NFKBIZ: variants seen among roughly 807,000 people sequenced by gnomAD.
NFKBIZ encodes the protein NF-kappa-B inhibitor zeta.
In NFKBIZ, 19 loss-of-function variants were observed where a neutral mutation model predicts 76.8. The ratio of observed to expected loss-of-function variants is 0.25; its 90% CI spans 0.17 to 0.36. The LOEUF is 0.36. Ranked by LOEUF, NFKBIZ falls within the 10% of genes least tolerant of loss-of-function variation. The pLI is 1.00. For missense variants in NFKBIZ, 829 were observed against 910.9 expected (o/e 0.91, Z 1.16); for synonymous variants, 368 against 354.8 (o/e 1.04, Z -0.42).
chr3:101,855,518 G>A (rs1221572923), intron 8 of NFKBIZ, 60 bp downstream of exon 8: 1 of 1,483,546 alleles, frequency 6.7e-7, no homozygotes, highest in East Asian at 2.3e-5. Context: ...AAGGTCTAAG[G>A]GTGCTAAGTA....
At chr3:101,843,206 G>A (rs543851816) in intron 2 of NFKBIZ, among the ~76,000 whole-genome samples, 1 of 152,102 alleles carries the variant, frequency 6.6e-6, no homozygotes, top group African/African-American at 2.4e-5. Context: ...AGGCTGAGGT[G>A]GGAGGATCAC....
In NFKBIZ at chr3:101,860,927, G is replaced by C. The variant is rs1366201650; in HGVS notation, c.*1556G>C. 1.3e-5 allele frequency: 2 copies of C among 151,864 alleles called. No individual in the cohort carries two copies. The highest frequency in any genetic ancestry group is 2.9e-5 in the Non-Finnish European group (2 of 67,994). The allele number at this position is 151,864 out of a possible 1,614,324, so 9.4% of individuals were successfully genotyped here. A position where few individuals can be genotyped will look rare whatever the true frequency, so the allele number is the denominator to read the frequency against. ...CCCAGTATGTCTTGTAGACACGTTA[G>C]TTATAATCACCTTGTATCTCTAAAT... On this transcript the variant is annotated 3_prime_UTR_variant, in exon 12 of 12. Coordinates refer to ENST00000326172, the MANE Select transcript of NFKBIZ (RefSeq NM_031419.4).
Position 101,853,210 on chromosome 3 carries a change from C to T in NFKBIZ, c.684C>T (p.Ser228=), listed in dbSNP as rs1307918433. ...TTATCAACATTAAGAATGAATGCAG[C>T]CCCGTTTCCCTGAACACAGTTCAAG... ...QNIINIKNEC[S]PVSLNTVQVS... Residue 228 remains serine (S), a synonymous_variant, in exon 5 of 12, where the codon AGC becomes AGT. Transcript: ENST00000326172. 1 of 1,614,168 alleles carries T rather than the reference C, an allele frequency of 6.2e-7. No homozygotes were observed. Among genetic ancestry groups the T allele is most frequent in the South Asian group, 1.1e-5 (1 of 91,086 alleles).
At chr3:101,857,247 A>G (rs771566039) in intron 10 of NFKBIZ, 45 bp from the exon 11 acceptor site, 31 of 1,612,340 alleles carry the variant, frequency 1.9e-5, no homozygotes, top group Non-Finnish European at 2.5e-5. Context: ...CTTTCATGAA[A>G]TTTCCCCCTT....
At chr3:101,834,569 C>G (rs527912820) in intron 2 of NFKBIZ, among the ~76,000 whole-genome samples, 1 of 152,314 alleles carries the variant, frequency 6.6e-6, no homozygotes, top group Admixed American at 6.5e-5. Flanking sequence ...CTGTGTTGGC[C>G]AGGCTGGCCT....
In NFKBIZ at chr3:101,849,615, C is replaced by A; in HGVS notation, c.-14C>A. ...GCGCAGGTGTCGGGGTCCTCGAGCG[C>A]CCAGCCTGGGAGCATGATTGTGGAC... On this transcript the variant is annotated 5_prime_UTR_variant, in exon 1 of 12. Coordinates refer to ENST00000326172, the MANE Select transcript of NFKBIZ (RefSeq NM_031419.4). 7.5e-7 allele frequency: 1 copy of A among 1,334,718 alleles called. No homozygotes were observed. The highest frequency in any genetic ancestry group is 9.6e-7 in the Non-Finnish European group (1 of 1,046,574). The allele number at this position is 1,334,718 out of a possible 1,614,324, so 82.7% of individuals were successfully genotyped here. A position where few individuals can be genotyped will look rare whatever the true frequency, so the allele number is the denominator to read the frequency against.
At chr3:101,857,725 C>G in intron 11 of NFKBIZ, 7 of 985,366 alleles carry the variant, frequency 7.1e-6, no homozygotes, top group Non-Finnish European at 8.4e-6. Context: ...TAGAGTAAGT[C>G]AGAATGGTTT....
intron 2 of NFKBIZ, among the ~76,000 whole-genome samples, chr3:101,835,662 G>T (rs981975672): frequency 6.6e-6 from 1 of 152,118 alleles, no homozygotes; most frequent in Non-Finnish European, 1.5e-5. Flanking sequence ...ATTAGATGAG[G>T]ACTCACCCCG....
Position 101,858,024 on chromosome 3 carries a change from T to C in NFKBIZ, c.2103+565T>C, listed in dbSNP as rs973791930. 3.0e-5 allele frequency: 25 copies of C among 844,702 alleles called. No individual in the cohort carries two copies. In the African/African-American group the frequency reaches 4.6e-4, roughly 16 times the overall value. The allele number at this position is 844,702 out of a possible 1,614,324, so 52.3% of individuals were successfully genotyped here. On this transcript the variant is annotated intron_variant, in intron 11 of 11. Transcript: ENST00000326172. ...TATTTAATGCTTTACTCATCAAATA[T>C]GGTTATATATTATCATTGAGTATTG...
At chr3:101,843,639 A>G (rs1358144549) in intron 2 of NFKBIZ, among the ~76,000 whole-genome samples, 3 of 152,250 alleles carry the variant, frequency 2.0e-5, no homozygotes, top group African/African-American at 7.2e-5. Context: ...ACCTGAAACC[A>G]TATCAATGAA....
Position 101,849,885 on chromosome 3 carries a change from C to T in NFKBIZ, c.257C>T (p.Ser86Leu). 1.4e-6 allele frequency: 2 copies of T among 1,441,518 alleles called. No individual in the cohort carries two copies. Among genetic ancestry groups the T allele is most frequent in the African/African-American group, 1.5e-5 (1 of 67,110 alleles). The allele number at this position is 1,441,518 out of a possible 1,614,324, so 89.3% of individuals were successfully genotyped here. The change falls in exon 1 of 12, where the codon TCG becomes TTG. Residue 86 changes from serine (S) to leucine (L), a missense_variant. Physicochemically the swap from Ser to Leu is moderately radical, Grantham distance 145 (BLOSUM62 -2). Transcript: ENST00000326172. The part of the protein sequence containing the change: ...VSSCGAVESR[S>L]RGGARAERQP... ...TCCTGCGGCGCCGTGGAGTCCCGGTCGAGAGGCGGCGCCCGCGCCGAGCGC... is the reference window on the plus strand; with the variant it reads ...TCCTGCGGCGCCGTGGAGTCCCGGTTGAGAGGCGGCGCCCGCGCCGAGCGC...
At position 101,852,745 on chromosome 3, in the gene NFKBIZ, G is replaced by T. The variant is rs756318423; in HGVS notation, c.437G>T (p.Gly146Val). ...GQAVDDFKTQ[G>V]VNIEQFRELK... ...AAACTTTTTTCTTTATAGACACAAGGTGTGAACATAGAACAGTTCAGAGGT... is the reference window on the plus strand; with the variant it reads ...AAACTTTTTTCTTTATAGACACAAGTTGTGAACATAGAACAGTTCAGAGGT... Residue 146 changes from glycine (G) to valine (V), a missense_variant, in exon 3 of 12, where the codon GGT becomes GTT. Gly to Val is a moderately radical substitution (Grantham distance 109). This residue lies in a region of NFKBIZ where 371 missense variants were observed against 332.3 expected (regional missense o/e 1.12). Coordinates refer to ENST00000326172, the MANE Select transcript of NFKBIZ (RefSeq NM_031419.4). The T allele has an allele frequency of 1.2e-6, 2 of 1,609,070 alleles. No homozygotes were observed. The highest frequency in any genetic ancestry group is 2.2e-5 in the South Asian group (2 of 89,962).
intron 6 of NFKBIZ, 79 bp downstream of exon 6, chr3:101,854,762 C>G: frequency 1.0e-6 from 1 of 974,444 alleles, no homozygotes; most frequent in Non-Finnish European, 1.6e-6. Context: ...ATGTGTAGAT[C>G]ATCTTAGAGC....
intron 5 of NFKBIZ, among the ~76,000 whole-genome samples, chr3:101,854,256 C>T (rs1943013924): frequency 6.6e-6 from 1 of 152,102 alleles, no homozygotes; most frequent in Non-Finnish European, 1.5e-5. Context: ...TATTTAACCT[C>T]CTTAGGTCTC....
rs9825809 is a variant in NFKBIZ at position 101,857,957 on chromosome 3, T to G, written c.2103+498T>G. On this transcript the variant is annotated intron_variant, in intron 11 of 11. Coordinates refer to ENST00000326172, the MANE Select transcript of NFKBIZ (RefSeq NM_031419.4). ...ACTGAACAAAAAATGGAAAAATTAC[T>G]TATGTAATTTCAAACCTAGAAATAT... The G allele has an allele frequency of 3.1e-3, 2,603 of 831,248 alleles. 52 individuals are homozygous for G. The African/African-American group carries it at 0.044, about 14-fold the overall frequency. The allele number at this position is 831,248 out of a possible 1,614,324, so 51.5% of individuals were successfully genotyped here.
chr3:101,837,565 T>C (rs184042317), intron 2 of NFKBIZ, among the ~76,000 whole-genome samples: 2 of 150,256 alleles, frequency 1.3e-5, no homozygotes, highest in Admixed American at 6.6e-5. Flanking sequence ...ACCTTTCTGA[T>C]GGGGCATGCC....
At chr3:101,856,044 GAAGCCCAGAATT>G in intron 9 of NFKBIZ, 142 bp downstream of exon 9, 1 of 696,178 alleles carries the variant, frequency 1.4e-6, no homozygotes, top group Non-Finnish European at 2.2e-6. Context: ...GGGTGGTTAA[GAAGCCCAGAATT>G]TTTTTTTTTT....
rs1943030093 is a variant in NFKBIZ at position 101,855,181 on chromosome 3, T to C, written c.1563T>C (p.Ala521=). 2 of 1,611,934 alleles carry C rather than the reference T, an allele frequency of 1.2e-6. No homozygotes were observed. Among genetic ancestry groups the C allele is most frequent in the Admixed American group, 1.7e-5 (1 of 59,510 alleles). ...CWGRTPLHVC[A]EKGHSQVLQA... ...GAAGAACACCTCTGCATGTGTGTGC[T>C]GAGAAGGGCCACTCCCAGGTGCTTC... Residue 521 remains alanine (A), a synonymous_variant, in exon 7 of 12, where the codon GCT becomes GCC. Transcript: ENST00000326172.
chr3:101,841,694 A>G (rs1270657518), intron 2 of NFKBIZ, among the ~76,000 whole-genome samples: 2 of 152,238 alleles, frequency 1.3e-5, no homozygotes, highest in Non-Finnish European at 2.9e-5. Flanking sequence ...AAAAGCATTC[A>G]ACAAATCAAC....
Sources: gnomAD v4.1 joint callset for allele counts (sites outside exome capture counted in the v4.1 genomes callset) on GRCh38, gnomAD v4.1.1 for gene constraint, gnomAD v4.1.1 regional missense constraint, MANE v1.5 for transcripts, NCBI Gene and HGNC (gene_info 2026-07-23, HGNC 2026-07-21) for gene names.